Variants in RAB3GAP2 observed in about 807,000 individuals in gnomAD.
RAB3GAP2 encodes the protein rab3 GTPase-activating protein non-catalytic subunit.
In RAB3GAP2, 87 loss-of-function variants were observed where a neutral mutation model predicts 185.3. That is an observed-to-expected ratio of 0.47 (90% CI 0.39 to 0.56). The LOEUF (loss-of-function observed/expected upper bound fraction) is 0.56, where lower values mean the gene tolerates loss of function less well. Among genes scored for constraint, RAB3GAP2 ranks in the 20% least tolerant of loss-of-function variants. RAB3GAP2 has a pLI of 0.00. For missense variants in RAB3GAP2, 1,492 were observed against 1,638.2 expected, an observed-to-expected ratio of 0.91 and a Z score of 1.54; for synonymous variants, 554 against 576.1, an observed-to-expected ratio of 0.96 and a Z score of 0.55.
chr1:220,203,110 A>C (rs1658894194), intron 8 of RAB3GAP2, among the ~76,000 whole-genome samples: 1 of 152,226 alleles, frequency 6.6e-6, no homozygotes, highest in Non-Finnish European at 1.5e-5. Flanking sequence ...GAGCACACAC[A>C]CAGCAAGGTC....
intron 1 of RAB3GAP2, chr1:220,271,386 G>C (rs1172964288): frequency 6.6e-6 from 1 of 151,936 alleles, no homozygotes; most frequent in Non-Finnish European, 1.5e-5. Flanking sequence ...AAAACACAAG[G>C]CACACCCTTT....
intron 2 of RAB3GAP2, among the ~76,000 whole-genome samples, chr1:220,232,482 G>A (rs940884405): frequency 3.3e-5 from 5 of 152,174 alleles, no homozygotes; most frequent in African/African-American, 1.2e-4. Flanking sequence ...GCAGCAAGAA[G>A]GCTCTTGCCA....
intron 1 of RAB3GAP2, among the ~76,000 whole-genome samples, chr1:220,259,849 T>C (rs1660101941): frequency 6.6e-6 from 1 of 151,974 alleles, no homozygotes; most frequent in African/African-American, 2.4e-5. Flanking sequence ...CTGACAAAAG[T>C]CTAATTATCC....
intron 27 of RAB3GAP2, among the ~76,000 whole-genome samples, 169 bp downstream of exon 27, chr1:220,164,564 T>C (rs560256507): frequency 6.7e-6 from 1 of 148,354 alleles, no homozygotes; most frequent in South Asian, 2.2e-4. Context: ...AGCCTTGAAC[T>C]ACTGGGCTCA....
intron 1 of RAB3GAP2, among the ~76,000 whole-genome samples, chr1:220,259,169 G>A (rs1476987422): frequency 6.6e-6 from 1 of 152,058 alleles, no homozygotes; most frequent in Admixed American, 6.6e-5. Flanking sequence ...GTAATTTATG[G>A]ATTCAATGCT....
At chr1:220,202,226 A>G (rs772607529) in intron 9 of RAB3GAP2, 50 bp downstream of exon 9, 48 of 1,574,258 alleles carry the variant, frequency 3.0e-5, no homozygotes, top group Non-Finnish European at 3.8e-5. Context: ...ATACTTCAAT[A>G]AAAAGTGTAA....
chr1:220,245,882 T>G (rs1659801768), intron 1 of RAB3GAP2, among the ~76,000 whole-genome samples: 1 of 152,124 alleles, frequency 6.6e-6, no homozygotes, highest in South Asian at 2.1e-4. Flanking sequence ...GCAGCCTAAC[T>G]GGGAGGCACC....
chr1:220,247,682 C>G (rs909084819), intron 1 of RAB3GAP2, among the ~76,000 whole-genome samples: 2 of 152,128 alleles, frequency 1.3e-5, no homozygotes, highest in African/African-American at 4.8e-5. Context: ...CACTAAAAAT[C>G]TCAGAATTCA....
At chr1:220,164,680 C>A in intron 27 of RAB3GAP2, 53 bp downstream of exon 27, 2 of 1,568,956 alleles carry the variant, frequency 1.3e-6, no homozygotes, top group Non-Finnish European at 8.7e-7. Context: ...CCTGTTAAAT[C>A]AGGAAGCCTC....
At chr1:220,235,264 C>T (rs899873398) in intron 1 of RAB3GAP2, among the ~76,000 whole-genome samples, 6 of 152,032 alleles carry the variant, frequency 3.9e-5, no homozygotes, top group African/African-American at 1.4e-4. Flanking sequence ...TGTTTTTTGG[C>T]GATTTAATTC....
intron 24 of RAB3GAP2, among the ~76,000 whole-genome samples, chr1:220,167,934 T>C (rs1229938596): frequency 6.6e-6 from 1 of 152,216 alleles, no homozygotes; most frequent in African/African-American, 2.4e-5. Context: ...TGCACATGCA[T>C]ATGTCTATAA....
At chr1:220,164,592 A>T in intron 27 of RAB3GAP2, 141 bp downstream of exon 27, 1 of 1,230,380 alleles carries the variant, frequency 8.1e-7, no homozygotes, top group Non-Finnish European at 1.1e-6. Context: ...CTTGCACCTC[A>T]GCCAATACAC....
chr1:220,229,146 G>A (rs1438114983), intron 2 of RAB3GAP2, among the ~76,000 whole-genome samples: 2 of 152,118 alleles, frequency 1.3e-5, no homozygotes, highest in Non-Finnish European at 2.9e-5. Flanking sequence ...CATTGTCCAC[G>A]TCACTCAGAA....
At chr1:220,203,564 T>C (rs941662035) in intron 8 of RAB3GAP2, among the ~76,000 whole-genome samples, 1 of 152,166 alleles carries the variant, frequency 6.6e-6, no homozygotes, top group African/African-American at 2.4e-5. Context: ...TATGGTCTTA[T>C]ATACAACAAA....
chr1:220,165,877 C>T (rs938795975), intron 26 of RAB3GAP2, among the ~76,000 whole-genome samples: 11 of 152,292 alleles, frequency 7.2e-5, no homozygotes, highest in South Asian at 2.1e-4. Flanking sequence ...TGGGGCTTGA[C>T]GTCAGCTTTG....
intron 8 of RAB3GAP2, among the ~76,000 whole-genome samples, chr1:220,204,131 A>G (rs1173550917): frequency 6.6e-6 from 1 of 152,108 alleles, no homozygotes; most frequent in African/African-American, 2.4e-5. Context: ...TTACTGCTTC[A>G]TAAAATTGTT....
intron 18 of RAB3GAP2, among the ~76,000 whole-genome samples, chr1:220,184,366 A>G (rs1190667787): frequency 1.3e-5 from 2 of 152,136 alleles, no homozygotes; most frequent in Non-Finnish European, 2.9e-5. Context: ...TAAATAAAAT[A>G]AGATGCTCTA....
chr1:220,259,691 T>G (rs1299292110), intron 1 of RAB3GAP2, among the ~76,000 whole-genome samples: 1 of 152,150 alleles, frequency 6.6e-6, no homozygotes, highest in African/African-American at 2.4e-5. Flanking sequence ...GGCAAAGATT[T>G]CATGATGAAA....
At chr1:220,151,572 G>T in intron 34 of RAB3GAP2, 34 bp downstream of exon 34, 2 of 1,595,222 alleles carry the variant, frequency 1.3e-6, no homozygotes, top group South Asian at 2.2e-5. Context: ...AACATCCAAT[G>T]ACCTTTTGCC....
Sources: allele counts gnomAD v4.1 joint callset (sites outside exome capture counted in the v4.1 genomes callset), GRCh38; gene constraint gnomAD v4.1.1; transcripts MANE v1.5; gene names NCBI Gene and HGNC (gene_info 2026-07-23, HGNC 2026-07-21).